The following CPEB1 variants were observed in gnomAD, a reference collection of about 807,000 sequenced individuals.
CPEB1 encodes the protein cytoplasmic polyadenylation element binding protein 1.
A neutral mutation model predicts 65.8 loss-of-function variants in CPEB1; 7 were observed. That is an observed-to-expected ratio of 0.11 (90% CI 0.06 to 0.20). The LOEUF (loss-of-function observed/expected upper bound fraction) is 0.20. CPEB1 is among the 10% of genes least tolerant of loss of function. The pLI is 1.00. For synonymous variants in CPEB1, 262 were observed against 260.0 expected (o/e 1.01, Z -0.08); for missense variants, 551 against 712.2 (o/e 0.77, Z 2.58).
intron 3 of CPEB1, among the ~76,000 whole-genome samples, chr15:82,593,491 C>T (rs1407061294): frequency 1.3e-5 from 2 of 152,322 alleles, no homozygotes; most frequent in South Asian, 2.1e-4. Context: ...TTGCTATTTC[C>T]ACCACGTGTG....
At chr15:82,567,207 TTTGGAAGAAG>T (rs2039277608) in intron 4 of CPEB1, among the ~76,000 whole-genome samples, 1 of 152,160 alleles carries the variant, frequency 6.6e-6, no homozygotes, top group Non-Finnish European at 1.5e-5. Flanking sequence ...AGAATGGTTG[TTTGGAAGAAG>T]CTTCAGATGA....
At chr15:82,639,916 CA>C (rs1386520910) in intron 1 of CPEB1, among the ~76,000 whole-genome samples, 1 of 152,122 alleles carries the variant, frequency 6.6e-6, no homozygotes, top group Non-Finnish European at 1.5e-5. Context: ...CAACATTTTA[CA>C]TATGTTGTCA....
chr15:82,562,701 G>C (rs889737470), intron 4 of CPEB1, among the ~76,000 whole-genome samples: 3 of 152,092 alleles, frequency 2.0e-5, no homozygotes, highest in Non-Finnish European at 4.4e-5. Flanking sequence ...CAGGCATTAT[G>C]GCATGCACTG....
At chr15:82,548,780 A>G in intron 10 of CPEB1, 1 of 447,056 alleles carries the variant, frequency 2.2e-6, no homozygotes, top group South Asian at 1.6e-5. Flanking sequence ...TGGTGAGTAC[A>G]TGGTGCTCCT....
intron 3 of CPEB1, among the ~76,000 whole-genome samples, chr15:82,625,034 T>C (rs1052608015): frequency 3.4e-4 from 52 of 152,184 alleles, no homozygotes; most frequent in Non-Finnish European, 1.3e-4. Context: ...GGTTTCACCA[T>C]GTTGCCCAGG....
intron 3 of CPEB1, chr15:82,572,883 T>C: frequency 1.4e-6 from 1 of 697,822 alleles, no homozygotes; most frequent in Non-Finnish European, 2.2e-6. Context: ...TTCTGGAGCT[T>C]CCGCCATTTC....
intron 1 of CPEB1, among the ~76,000 whole-genome samples, chr15:82,639,920 T>A (rs995519564): frequency 1.3e-5 from 2 of 152,138 alleles, no homozygotes; most frequent in African/African-American, 4.8e-5. Flanking sequence ...ATTTTACATA[T>A]GTTGTCAGTT....
intron 4 of CPEB1, among the ~76,000 whole-genome samples, chr15:82,562,732 G>A (rs2038439375): frequency 6.6e-6 from 1 of 152,060 alleles, no homozygotes; most frequent in South Asian, 2.1e-4. Context: ...TTACTCAGGA[G>A]GCTGAGGCAG....
chr15:82,547,487 C>T (rs372556871), intron 10 of CPEB1, among the ~76,000 whole-genome samples: 2 of 150,478 alleles, frequency 1.3e-5, no homozygotes, highest in African/African-American at 2.4e-5. Context: ...TAGTAGAGAT[C>T]GGGTTTCACC....
At chr15:82,552,760 G>A in intron 8 of CPEB1, 144 bp from the exon 9 acceptor site, 1 of 884,288 alleles carries the variant, frequency 1.1e-6, no homozygotes, top group Non-Finnish European at 1.8e-6. Flanking sequence ...AAGTCGTGTT[G>A]AGTGGAAGCA....
At chr15:82,571,663 G>A in intron 3 of CPEB1, 131 bp from the exon 4 acceptor site, 1 of 1,449,592 alleles carries the variant, frequency 6.9e-7, no homozygotes, top group Non-Finnish European at 9.0e-7. Flanking sequence ...GCTGGATGCT[G>A]CAGCCGCTGC....
intron 3 of CPEB1, among the ~76,000 whole-genome samples, chr15:82,590,720 G>A (rs2042185780): frequency 1.3e-5 from 2 of 152,066 alleles, no homozygotes; most frequent in South Asian, 2.1e-4. Context: ...CCTTCTTTGT[G>A]TCCATATGTC....
At chr15:82,589,615 A>T (rs1221052491) in intron 3 of CPEB1, among the ~76,000 whole-genome samples, 1 of 151,954 alleles carries the variant, frequency 6.6e-6, no homozygotes, top group Non-Finnish European at 1.5e-5. Flanking sequence ...ATAGTGGCAC[A>T]TGCCCATAGT....
chr15:82,545,022 C>G (rs2034914675), intron 12 of CPEB1, among the ~76,000 whole-genome samples: 1 of 152,214 alleles, frequency 6.6e-6, no homozygotes, highest in Non-Finnish European at 1.5e-5. Flanking sequence ...TCACCTCCTA[C>G]AGAGTAGTTG....
intron 11 of CPEB1, 75 bp from the exon 12 acceptor site, chr15:82,546,596 C>A: frequency 9.6e-7 from 1 of 1,039,776 alleles, no homozygotes; most frequent in Non-Finnish European, 1.5e-6. Context: ...AAGAAGGGCA[C>A]ATTATTGGCC....
chr15:82,616,379 A>C (rs1485223873), intron 3 of CPEB1, among the ~76,000 whole-genome samples: 1 of 152,150 alleles, frequency 6.6e-6, no homozygotes, highest in African/African-American at 2.4e-5. Context: ...ACTTCAGGAG[A>C]GTTATCTCTA....
At chr15:82,640,869 C>G (rs1434017399) in intron 1 of CPEB1, 1 of 146,050 alleles carries the variant, frequency 6.8e-6, no homozygotes, top group Non-Finnish European at 1.5e-5. Flanking sequence ...AGGAAGCCTG[C>G]AAGTACCAAG....
intron 3 of CPEB1, among the ~76,000 whole-genome samples, chr15:82,602,288 T>C (rs1324301812): frequency 6.6e-6 from 1 of 152,046 alleles, no homozygotes; most frequent in African/African-American, 2.4e-5. Flanking sequence ...AATTAGAAAA[T>C]AGTCAACTAA....
At chr15:82,637,976 A>G in intron 1 of CPEB1, 1 of 454,062 alleles carries the variant, frequency 2.2e-6, no homozygotes, top group South Asian at 1.6e-5. Context: ...GACAAAAAAA[A>G]TTTATGGAGT....
Sources: allele counts gnomAD v4.1 joint callset (sites outside exome capture counted in the v4.1 genomes callset), GRCh38; gene constraint gnomAD v4.1.1; transcripts MANE v1.5; gene names NCBI Gene and HGNC (gene_info 2026-07-23, HGNC 2026-07-21).